The following PRELID2 variants were observed in gnomAD, a reference collection of about 807,000 sequenced individuals.
PRELID2 encodes the protein PRELI domain containing 2, also known as PRELI domain-containing protein 2.
In PRELID2, 25 loss-of-function variants were observed where a neutral mutation model predicts 28.4. The ratio of observed to expected loss-of-function variants is 0.88; its 90% CI spans 0.64 to 1.23. The LOEUF (loss-of-function observed/expected upper bound fraction) is 1.23. Ranked by LOEUF, PRELID2 falls within the 50% of genes most tolerant of loss-of-function variation. PRELID2 has a pLI of 0.00. For missense variants in PRELID2, 201 were observed against 214.4 expected, an observed-to-expected ratio of 0.94 and a Z score of 0.39; for synonymous variants, 76 against 71.6, an observed-to-expected ratio of 1.06 and a Z score of -0.31.
intron 1 of PRELID2, among the ~76,000 whole-genome samples, chr5:145,539,527 GT>G (rs1232859705): frequency 6.6e-6 from 1 of 151,662 alleles, no homozygotes; most frequent in African/African-American, 2.4e-5. Context: ...ATCTCACCCT[GT>G]TTTTTTCCTT....
rs970878633 is a variant in PRELID2 at position 145,770,163 on chromosome 5, T to C, written c.475-5163A>G. Among the ~76,000 whole-genome samples, 6 of 152,166 alleles carry C rather than the reference T, an allele frequency of 3.9e-5. No homozygotes were observed. The South Asian group carries it at 1.2e-3, about 31-fold the overall frequency. ...CATAATACTTGATAACGATGGTAAA[T>C]GACTACACTACTGGTTTATATATTT... is the stretch of plus-strand genomic sequence containing the variant. On this transcript the variant is annotated intron_variant, in intron 5 of 6. Transcript: ENST00000683046.
At chr5:145,483,012 G>T (rs1752176571) in intron 1 of PRELID2, among the ~76,000 whole-genome samples, 1 of 152,084 alleles carries the variant, frequency 6.6e-6, no homozygotes, top group African/African-American at 2.4e-5. Flanking sequence ...CCTGCTGTGT[G>T]GCCTGCGGGT....
At chr5:145,403,534 C>G in the PRELID2 span, among the ~76,000 whole-genome samples, 1 of 152,222 alleles carries the variant, frequency 6.6e-6, no homozygotes, top group African/African-American at 2.4e-5. Context: ...CCTGTTCCTA[C>G]TCCCATGAAG....
At chr5:145,622,861 G>C (rs111453273) in intron 1 of PRELID2, among the ~76,000 whole-genome samples, 1 of 151,786 alleles carries the variant, frequency 6.6e-6, no homozygotes. Flanking sequence ...AAATCCAAAA[G>C]AATCTATGAA....
chr5:145,245,468 G>C, the PRELID2 span, among the ~76,000 whole-genome samples: 9 of 151,848 alleles, frequency 5.9e-5, no homozygotes, highest in Non-Finnish European at 1.3e-4. Flanking sequence ...ATTACACTTG[G>C]TTTTGCTGTG....
chr5:145,596,121 T>TAAAAAAAAAAAAAAAA (rs1753302987), intron 1 of PRELID2, among the ~76,000 whole-genome samples: 1 of 118,126 alleles, frequency 8.5e-6, no homozygotes, highest in African/African-American at 4.0e-5. Context: ...AAAAAAAAAG[T>TAAAAAAAAAAAAAAAA]CTGTTTAGGC....
At chr5:145,418,729 C>A in the PRELID2 span, among the ~76,000 whole-genome samples, 2 of 123,602 alleles carry the variant, frequency 1.6e-5, no homozygotes, top group Non-Finnish European at 3.7e-5. Context: ...ATACCATATA[C>A]AAATTTTTTT....
At chr5:145,300,096 G>GTA in the PRELID2 span, among the ~76,000 whole-genome samples, 10 of 151,868 alleles carry the variant, frequency 6.6e-5, no homozygotes, top group African/African-American at 2.4e-4. Context: ...CACTGCCTGT[G>GTA]TATATCACTA....
intron 1 of PRELID2, among the ~76,000 whole-genome samples, chr5:145,572,857 T>C (rs932109653): frequency 5.3e-5 from 8 of 152,186 alleles, no homozygotes; most frequent in Non-Finnish European, 1.2e-4. Context: ...GTCTGGAAGT[T>C]AGTTCCTCTC....
chr5:145,317,513 G>A, the PRELID2 span, among the ~76,000 whole-genome samples: 1 of 152,178 alleles, frequency 6.6e-6, no homozygotes, highest in South Asian at 2.1e-4. Context: ...AAAGAGCGAG[G>A]GAGGACTGAC....
intron 1 of PRELID2, among the ~76,000 whole-genome samples, chr5:145,649,998 T>A (rs929760771): frequency 6.6e-6 from 1 of 152,186 alleles, no homozygotes; most frequent in Admixed American, 6.5e-5. Flanking sequence ...ATGTAGAAAA[T>A]ATCTGAGACT....
chr5:145,507,030 C>G (rs1028453780), intron 1 of PRELID2, among the ~76,000 whole-genome samples: 9 of 152,174 alleles, frequency 5.9e-5, no homozygotes, highest in Non-Finnish European at 1.2e-4. Context: ...TTTTCTCTGT[C>G]TTATTCACTA....
the PRELID2 span, among the ~76,000 whole-genome samples, chr5:145,452,163 T>C: frequency 3.9e-5 from 6 of 152,182 alleles, no homozygotes; most frequent in Admixed American, 3.3e-4. Context: ...AATCCATTTT[T>C]CTTCCCGAAA....
chr5:145,563,894 GA>G (rs1752943868), intron 1 of PRELID2, among the ~76,000 whole-genome samples: 1 of 152,100 alleles, frequency 6.6e-6, no homozygotes, highest in Non-Finnish European at 1.5e-5. Context: ...GAGAATGCCA[GA>G]AATTCCCCCA....
At chr5:145,620,227 A>T (rs1410710833) in intron 1 of PRELID2, among the ~76,000 whole-genome samples, 1 of 152,206 alleles carries the variant, frequency 6.6e-6, no homozygotes, top group Non-Finnish European at 1.5e-5. Flanking sequence ...TTAAAGAAAA[A>T]TCTACATTTA....
At chr5:145,315,824 T>C in the PRELID2 span, among the ~76,000 whole-genome samples, 5 of 152,282 alleles carry the variant, frequency 3.3e-5, no homozygotes, top group South Asian at 1.0e-3. Flanking sequence ...GTTAATTAGC[T>C]TGATTGTGGT....
chr5:145,817,206 A>ATATATATATATATAT (rs1423577359), intron 4 of PRELID2, among the ~76,000 whole-genome samples: 39 of 62,798 alleles, frequency 6.2e-4, no homozygotes, highest in East Asian at 1.1e-3. Context: ...AAAATAAATA[A>ATATATATATATATAT]ATAAATAAAA....
chr5:145,282,702 A>G, the PRELID2 span, among the ~76,000 whole-genome samples: 1 of 151,952 alleles, frequency 6.6e-6, no homozygotes. Context: ...GTATTTTAGT[A>G]GAGACAGGGT....
At chr5:145,256,073 C>T in the PRELID2 span, among the ~76,000 whole-genome samples, 1 of 151,818 alleles carries the variant, frequency 6.6e-6, no homozygotes, top group African/African-American at 2.4e-5. Context: ...GAAGTCAAGG[C>T]AAAACAGGTC....
Sources: gnomAD v4.1 joint callset for allele counts (sites outside exome capture counted in the v4.1 genomes callset) on GRCh38, gnomAD v4.1.1 for gene constraint, MANE v1.5 for transcripts, NCBI Gene and HGNC (gene_info 2026-07-23, HGNC 2026-07-21) for gene names.